ZNF263: variants seen among roughly 807,000 people sequenced by gnomAD.
ZNF263 encodes zinc finger protein FPM315.
In ZNF263, 49 loss-of-function variants were observed where a neutral mutation model predicts 63.1. The ratio of observed to expected loss-of-function variants is 0.78; its 90% CI spans 0.62 to 0.99. ZNF263 has a LOEUF of 0.99. Ranked by LOEUF, ZNF263 falls within the 50% of genes least tolerant of loss-of-function variation. ZNF263 has a pLI of 0.00. For synonymous variants in ZNF263, 352 were observed against 324.2 expected (o/e 1.09, Z -0.92); for missense variants, 872 against 854.8 (o/e 1.02, Z -0.25).
chr16:3,288,524 T>A lies in ZNF263; in HGVS notation c.840T>A (p.Ser280Arg), dbSNP rs374860791. 7 of 1,612,390 alleles carry A rather than the reference T, an allele frequency of 4.3e-6. No individual in the cohort carries two copies. The highest frequency in any genetic ancestry group is 1.7e-4 in the Middle Eastern group (1 of 5,778). ...VGQGGKLWDP[S>R]VQSCKEGLSP... ...AAGGAGGAAAGCTATGGGATCCCAGTGTCCAGAGCTGCAAGGAGGGCCTGA... is the reference window on the plus strand; with the variant it reads ...AAGGAGGAAAGCTATGGGATCCCAGAGTCCAGAGCTGCAAGGAGGGCCTGA... Residue 280 changes from serine to arginine, a missense_variant, in exon 5 of 6, where the codon AGT becomes AGA. Transcript: ENST00000219069.
intron 1 of ZNF263, among the ~76,000 whole-genome samples, chr16:3,284,607 C>T (rs1178499164): frequency 2.0e-5 from 3 of 152,222 alleles, no homozygotes; most frequent in Admixed American, 1.3e-4. Context: ...GTGAACACTA[C>T]TAGCTTATGA....
At chr16:3,292,198 C>T (rs969218854), downstream of ZNF263, among the ~76,000 whole-genome samples, 10 of 152,100 alleles carry the variant, frequency 6.6e-5, no homozygotes, top group African/African-American at 1.7e-4. Flanking sequence ...AGCTGTTCTT[C>T]GGGTGAAAAA....
chr16:3,289,313 C>T, intron 5 of ZNF263, 80 bp from the exon 6 acceptor site: 1 of 1,443,692 alleles, frequency 6.9e-7, no homozygotes, highest in Non-Finnish European at 9.2e-7. Context: ...GCTGACCTAA[C>T]AGGCAGCGGC....
rs936518436 is a variant in ZNF263 at position 3,288,669 on chromosome 16, G to T, written c.886+99G>T. ...TTTTGTTTTGTTTTGTTTTGAGATG[G>T]AGTGGCACTCTTGTTGCCCAGGCTG... On this transcript the variant is annotated intron_variant, in intron 5 of 5. Transcript: ENST00000219069. 11 of 789,824 alleles carry T rather than the reference G, an allele frequency of 1.4e-5. No individual in the cohort carries two copies. The South Asian group carries it at 1.9e-4, about 13-fold the overall frequency. 48.9% of individuals were successfully genotyped at this position (789,824 alleles called of 1,614,324 possible).
intron 2 of ZNF263, chr16:3,299,678 G>C (rs577260411): frequency 6.5e-7 from 1 of 1,544,304 alleles, no homozygotes; most frequent in Non-Finnish European, 8.7e-7. Context: ...CATTTTATTC[G>C]ACCATCCTCA....
Position 3,283,711 on chromosome 16 carries a change from C to T in ZNF263, c.-108C>T. ...GGGGCTCCTCGGCCTGGACTGGGAG[C>T]CCCCGGCCCCGGGCTCCTGCTGGCG... is the stretch of plus-strand genomic sequence containing the variant. On this transcript the variant is annotated 5_prime_UTR_variant, in exon 1 of 6. Transcript: ENST00000219069. 4 of 1,384,898 alleles carry T rather than the reference C, an allele frequency of 2.9e-6. No individual in the cohort carries two copies. The South Asian group carries it at 5.3e-5, about 18-fold the overall frequency. 85.8% of individuals were successfully genotyped at this position (1,384,898 alleles called of 1,614,324 possible). A position where few individuals can be genotyped will look rare whatever the true frequency, so the allele number is the denominator to read the frequency against.
chr16:3,284,474 C>G (rs1465217117), intron 1 of ZNF263, among the ~76,000 whole-genome samples: 5 of 152,252 alleles, frequency 3.3e-5, no homozygotes, highest in African/African-American at 1.2e-4. Context: ...AATCCTCAAT[C>G]TGCTAGTACT....
At chr16:3,294,969 C>T (rs559457881), downstream of ZNF263, among the ~76,000 whole-genome samples, 21 of 152,288 alleles carry the variant, frequency 1.4e-4, no homozygotes, top group South Asian at 4.1e-4. Flanking sequence ...GGCCAGTTCC[C>T]CACTCCCGAG....
chr16:3,289,112 C>G (rs1596372108), intron 5 of ZNF263, among the ~76,000 whole-genome samples: 1 of 152,188 alleles, frequency 6.6e-6, no homozygotes, highest in Non-Finnish European at 1.5e-5. Flanking sequence ...CCACCCTACT[C>G]TCAGCCCTGC....
intron 2 of ZNF263, chr16:3,299,494 T>C (rs1199462796): frequency 6.5e-7 from 1 of 1,543,060 alleles, no homozygotes; most frequent in Non-Finnish European, 8.7e-7. Context: ...TTTTATATTG[T>C]AGATTTTAAT....
At chr16:3,299,252 C>T (rs1218660454) in intron 2 of ZNF263, 1 of 1,611,050 alleles carries the variant, frequency 6.2e-7, no homozygotes, top group African/African-American at 1.3e-5. Context: ...GTTATTCCAC[C>T]TTTGGTTTTT....
rs765906786 is a variant in ZNF263, at chr16:3,291,011, C to T, written c.*453C>T. 10 of 997,760 alleles carry T rather than the reference C, an allele frequency of 1.0e-5. No homozygotes were observed. The highest frequency in any genetic ancestry group is 1.2e-5 in the Non-Finnish European group (10 of 835,878). 61.8% of individuals were successfully genotyped at this position (997,760 alleles called of 1,614,324 possible). A position where few individuals can be genotyped will look rare whatever the true frequency, so the allele number is the denominator to read the frequency against. On this transcript the variant is annotated 3_prime_UTR_variant, in exon 6 of 6. Coordinates refer to ENST00000219069, the MANE Select transcript of ZNF263 (RefSeq NM_005741.5). ...GGGGCCAAGTACCCTGGGAAATCAG[C>T]TGAAGGTCAACAAAAGACTGGTTGT...
intron 1 of ZNF263, chr16:3,298,924 G>C: frequency 1.2e-6 from 1 of 818,144 alleles, no homozygotes; most frequent in Non-Finnish European, 1.7e-6. Context: ...ATTCACAGCT[G>C]GCCTACATCA....
chr16:3,286,174 A>T, intron 4 of ZNF263, 25 bp downstream of exon 4: 1 of 1,569,574 alleles, frequency 6.4e-7, no homozygotes, highest in Non-Finnish European at 8.6e-7. Flanking sequence ...TCCAGGGATG[A>T]TGACTGCGCC....
chr16:3,300,681 A>G (rs910254942), intron 2 of ZNF263: 1 of 1,516,472 alleles, frequency 6.6e-7, no homozygotes, highest in South Asian at 1.4e-5. Context: ...ATTGGCAAAA[A>G]AAAAACCCAC....
At position 3,290,759 on chromosome 16, in the gene ZNF263, C is replaced by G. The variant is rs2150774725; in HGVS notation, c.*201C>G. On this transcript the variant is annotated 3_prime_UTR_variant, in exon 6 of 6. Coordinates refer to ENST00000219069, the MANE Select transcript of ZNF263 (RefSeq NM_005741.5). ...GTTCTGTCTGCATGAGAAAGGATGG[C>G]AAGTCTCTGAGGTGACCTCAGGGTG... 1 of 1,391,526 alleles carries G rather than the reference C, an allele frequency of 7.2e-7. No homozygotes were observed. The highest frequency in any genetic ancestry group is 2.7e-4 in the Middle Eastern group (1 of 3,726). The allele number at this position is 1,391,526 out of a possible 1,614,324, so 86.2% of individuals were successfully genotyped here. A position where few individuals can be genotyped will look rare whatever the true frequency, so the allele number is the denominator to read the frequency against.
At chr16:3,297,309 A>AG (rs900132186) in intron 1 of ZNF263, among the ~76,000 whole-genome samples, 10 of 151,704 alleles carry the variant, frequency 6.6e-5, no homozygotes, top group African/African-American at 2.4e-4. Context: ...AAAAAAAAAA[A>AG]AGAGAAATTC....
chr16:3,290,512 C>A lies in ZNF263; in HGVS notation c.2006C>A (p.Ser669Tyr). 6.2e-7 allele frequency: 1 copy of A among 1,613,882 alleles called. No homozygotes were observed. The highest frequency in any genetic ancestry group is 1.1e-5 in the South Asian group (1 of 91,052). Residue 669 changes from serine (S) to tyrosine (Y), a missense_variant, in exon 6 of 6, where the codon TCT (serine) becomes TAT (tyrosine). Transcript: ENST00000219069. Reference sequence around the variant, plus strand: ...TGTTCTGAATGTGGAGAAAGCTTCTCTCGGAGTTCCCGTCTTATGAGTCAT... The same window carrying A: ...TGTTCTGAATGTGGAGAAAGCTTCTATCGGAGTTCCCGTCTTATGAGTCAT... ...YKCSECGESF[S>Y]RSSRLMSHQR...
chr16:3,298,342 T>C (rs1299133814), intron 1 of ZNF263, among the ~76,000 whole-genome samples: 1 of 152,240 alleles, frequency 6.6e-6, no homozygotes, highest in Non-Finnish European at 1.5e-5. Context: ...TATACGATCC[T>C]ATATACTCAA....
Sources: allele counts gnomAD v4.1 joint callset (sites outside exome capture counted in the v4.1 genomes callset), GRCh38; gene constraint gnomAD v4.1.1; transcripts MANE v1.5; gene names NCBI Gene and HGNC (gene_info 2026-07-23, HGNC 2026-07-21).